The following RAP1GDS1 variants were observed in gnomAD, a reference collection of about 807,000 sequenced individuals.
RAP1GDS1 encodes the protein Rap1 GTPase-GDP dissociation stimulator 1.
Under a neutral mutation model 71.1 loss-of-function variants are expected in RAP1GDS1, and 35 were observed. The ratio of observed to expected loss-of-function variants is 0.49; its 90% CI spans 0.38 to 0.65. The LOEUF (loss-of-function observed/expected upper bound fraction) is 0.65. RAP1GDS1 is among the 30% of genes least tolerant of loss of function. The probability of loss-of-function intolerance (pLI) is 0.00; values close to 1 mark genes in which losing one functional copy is unlikely to be tolerated. For synonymous variants in RAP1GDS1, 229 were observed against 243.1 expected, an observed-to-expected ratio of 0.94 and a Z score of 0.54; for missense variants, 663 against 706.1, an observed-to-expected ratio of 0.94 and a Z score of 0.69.
chr4:98,356,595 C>A (rs1738007246), intron 4 of RAP1GDS1, among the ~76,000 whole-genome samples: 1 of 151,780 alleles, frequency 6.6e-6, no homozygotes, highest in Non-Finnish European at 1.5e-5. Context: ...TTTTTATACA[C>A]CGAGGAAGAA....
chr4:98,381,286 A>G (rs1741974489), intron 5 of RAP1GDS1, among the ~76,000 whole-genome samples: 1 of 151,686 alleles, frequency 6.6e-6, no homozygotes, highest in Admixed American at 6.6e-5. Flanking sequence ...TATTTTTAAG[A>G]AACAAATGCG....
intron 7 of RAP1GDS1, among the ~76,000 whole-genome samples, chr4:98,408,621 C>T (rs1033702104): frequency 6.6e-6 from 1 of 152,100 alleles, no homozygotes; most frequent in Non-Finnish European, 1.5e-5. Flanking sequence ...GCTAGTCTCA[C>T]CATGAACATA....
At chr4:98,264,142 G>A (rs945510903) in intron 1 of RAP1GDS1, among the ~76,000 whole-genome samples, 2 of 152,170 alleles carry the variant, frequency 1.3e-5, no homozygotes, top group African/African-American at 2.4e-5. Context: ...AGCCGGGCGC[G>A]CACTTTGGGA....
chr4:98,401,731 CTG>C lies in RAP1GDS1; in HGVS notation c.638-2744_638-2743del, dbSNP rs571229770. Among the ~76,000 whole-genome samples the C allele has an allele frequency of 4.0e-3, 610 of 152,298 alleles. 4 individuals are homozygous for C. The highest frequency in any genetic ancestry group is 6.7e-3 in the Non-Finnish European group (454 of 68,022). On this transcript the variant is annotated intron_variant, in intron 6 of 14. Coordinates refer to ENST00000408927, the MANE Select transcript of RAP1GDS1 (RefSeq NM_001100427.2). ...TTATACTTCATGCTGTCTTTTCACT[CTG>C]TTCACCTGCAGGTTAAGTACAGATT...
At chr4:98,283,817 A>ATTTTTTTTT (rs10582639) in intron 1 of RAP1GDS1, among the ~76,000 whole-genome samples, 1 of 133,966 alleles carries the variant, frequency 7.5e-6, no homozygotes, top group Non-Finnish European at 1.6e-5. Context: ...TTTCATTGTG[A>ATTTTTTTTT]TTTTTTTTTT....
chr4:98,320,545 T>C (rs1387460728), intron 2 of RAP1GDS1, among the ~76,000 whole-genome samples: 1 of 152,088 alleles, frequency 6.6e-6, no homozygotes, highest in Non-Finnish European at 1.5e-5. Flanking sequence ...AAGAGAGCAG[T>C]GGTTCTCCCA....
intron 4 of RAP1GDS1, among the ~76,000 whole-genome samples, chr4:98,375,994 A>G (rs1578644438): frequency 6.6e-6 from 1 of 152,180 alleles, no homozygotes; most frequent in South Asian, 2.1e-4. Context: ...CCATGACACA[A>G]ATTTTATTGC....
At chr4:98,319,327 C>T (rs982904466) in intron 2 of RAP1GDS1, among the ~76,000 whole-genome samples, 1 of 152,092 alleles carries the variant, frequency 6.6e-6, no homozygotes, top group African/African-American at 2.4e-5. Context: ...TAATATCGTA[C>T]TCCCTTATTA....
At chr4:98,380,907 A>C (rs1372603923) in intron 5 of RAP1GDS1, among the ~76,000 whole-genome samples, 2 of 151,698 alleles carry the variant, frequency 1.3e-5, no homozygotes, top group Non-Finnish European at 3.0e-5. Flanking sequence ...TGTTAAAAAA[A>C]AATCTGTATA....
rs751366417 is a variant in RAP1GDS1, at chr4:98,434,101, T to C, written c.1567+39T>C. On this transcript the variant is annotated intron_variant, in intron 13 of 14. Transcript: ENST00000408927. Reference sequence around the variant, plus strand: ...TGACAAACTTATTTTCTTCTATTTTTATCTTGGATGAAAGGAAGTATAGAA... The same window carrying C: ...TGACAAACTTATTTTCTTCTATTTTCATCTTGGATGAAAGGAAGTATAGAA... 1.9e-6 allele frequency: 3 copies of C among 1,602,140 alleles called. No individual in the cohort carries two copies. The South Asian group carries it at 3.3e-5, about 18-fold the overall frequency.
At chr4:98,283,908 T>G (rs146242288) in intron 1 of RAP1GDS1, among the ~76,000 whole-genome samples, 26 of 151,866 alleles carry the variant, frequency 1.7e-4, no homozygotes, top group African/African-American at 5.6e-4. Flanking sequence ...GATTATAAAT[T>G]CATTTTGGAA....
At chr4:98,417,593 A>G in intron 9 of RAP1GDS1, 95 bp downstream of exon 9, 1 of 1,298,238 alleles carries the variant, frequency 7.7e-7, no homozygotes, top group Non-Finnish European at 1.1e-6. Context: ...ACAGTTTAGA[A>G]GTTGTGTAAT....
intron 1 of RAP1GDS1, among the ~76,000 whole-genome samples, chr4:98,272,719 G>C (rs1218867924): frequency 6.6e-6 from 1 of 151,988 alleles, no homozygotes; most frequent in Non-Finnish European, 1.5e-5. Context: ...GTGCAAGTTT[G>C]GCTTTGGGAA....
intron 4 of RAP1GDS1, among the ~76,000 whole-genome samples, chr4:98,354,323 A>G (rs1336702279): frequency 6.6e-6 from 1 of 151,956 alleles, no homozygotes; most frequent in Non-Finnish European, 1.5e-5. Context: ...CGGCCTCCCA[A>G]AGTGCTGGGA....
intron 1 of RAP1GDS1, among the ~76,000 whole-genome samples, chr4:98,268,913 A>C (rs568807955): frequency 3.3e-5 from 5 of 152,278 alleles, no homozygotes; most frequent in African/African-American, 1.2e-4. Context: ...TGTAATCCCT[A>C]TCAAAATTCC....
intron 1 of RAP1GDS1, among the ~76,000 whole-genome samples, chr4:98,278,567 T>C (rs901301205): frequency 1.3e-5 from 2 of 152,222 alleles, no homozygotes; most frequent in African/African-American, 4.8e-5. Context: ...ATCAGAATGA[T>C]ATAAGAAATC....
At chr4:98,402,328 T>C (rs558171067) in intron 6 of RAP1GDS1, among the ~76,000 whole-genome samples, 19 of 152,240 alleles carry the variant, frequency 1.2e-4, no homozygotes. Flanking sequence ...CACCCCAGAC[T>C]CCGGAAGTGT....
chr4:98,288,222 C>T (rs1454093191), intron 1 of RAP1GDS1, among the ~76,000 whole-genome samples: 1 of 152,100 alleles, frequency 6.6e-6, no homozygotes. Flanking sequence ...TGATGTTCCC[C>T]TTCCTGTGTC....
At chr4:98,347,417 TAG>T (rs1217418265) in intron 3 of RAP1GDS1, among the ~76,000 whole-genome samples, 1 of 152,224 alleles carries the variant, frequency 6.6e-6, no homozygotes. Context: ...ACATTAGTCT[TAG>T]GTGGAAATCA....
Sources: allele counts gnomAD v4.1 joint callset (sites outside exome capture counted in the v4.1 genomes callset), GRCh38; gene constraint gnomAD v4.1.1; transcripts MANE v1.5; gene names NCBI Gene and HGNC (gene_info 2026-07-23, HGNC 2026-07-21).